Variants in CORO2B observed in about 807,000 individuals in gnomAD.
CORO2B encodes coronin 2B.
Under a neutral mutation model 58.8 loss-of-function variants are expected in CORO2B, and 26 were observed. The observed-to-expected ratio is 0.44, with a 90% CI of 0.32 to 0.61. The LOEUF (loss-of-function observed/expected upper bound fraction) is 0.61, where lower values mean the gene tolerates loss of function less well. Among genes scored for constraint, CORO2B ranks in the 20% least tolerant of loss-of-function variants. The pLI, the probability that CORO2B is intolerant of heterozygous loss-of-function variation, is 0.04. For synonymous variants in CORO2B, 242 were observed against 253.8 expected (o/e 0.95, Z 0.44); for missense variants, 460 against 645.1 (o/e 0.71, Z 3.11).
rs533832175 is a variant in CORO2B, at chr15:68,713,743, G to A, written c.649-182G>A. ...TCCAGGATCCACCTGGATAATCCAG[G>A]GTAATCTCATCTCCAAATCCTTAGC... On this transcript the variant is annotated intron_variant, in intron 5 of 11. Coordinates refer to ENST00000261861, the MANE Select transcript of CORO2B (RefSeq NM_006091.5). Among the ~76,000 whole-genome samples the A allele has an allele frequency of 6.6e-5, 10 of 152,270 alleles. No homozygotes were observed. The East Asian group carries it at 1.7e-3, about 26-fold the overall frequency.
chr15:68,720,028 C>T (rs1467920520), intron 11 of CORO2B, among the ~76,000 whole-genome samples: 1 of 152,170 alleles, frequency 6.6e-6, no homozygotes, highest in Non-Finnish European at 1.5e-5. Context: ...TGGGGCAGCT[C>T]GGCTGGGCCT....
At chr15:68,577,786 A>C (rs369885206), upstream of CORO2B, among the ~76,000 whole-genome samples, 2 of 150,732 alleles carry the variant, frequency 1.3e-5, no homozygotes, top group Non-Finnish European at 2.9e-5. Context: ...GAGGCTGGTT[A>C]CTCTATTATT....
At chr15:68,643,682 G>A (rs1416205568) in intron 1 of CORO2B, among the ~76,000 whole-genome samples, 1 of 152,180 alleles carries the variant, frequency 6.6e-6, no homozygotes, top group Non-Finnish European at 1.5e-5. Flanking sequence ...TCTCCTTCTG[G>A]ATTCTGAACT....
chr15:68,725,926 G>A lies in CORO2B; in HGVS notation c.1395G>A (p.Gln465=), dbSNP rs1490714717. Residue 465 remains glutamine (Q), a synonymous_variant, in exon 12 of 12, where the codon CAG becomes CAA. Coordinates refer to ENST00000261861, the MANE Select transcript of CORO2B (RefSeq NM_006091.5). ...ELAQKDIRIR[Q]LQLELKNLRN... is the part of the protein sequence containing the mutation. ...CCCAGAAGGACATCCGCATTCGGCA[G>A]CTCCAGCTGGAACTGAAAAACTTGC... The A allele has an allele frequency of 6.2e-7, 1 of 1,613,954 alleles. No individual in the cohort carries two copies. Among genetic ancestry groups the A allele is most frequent in the East Asian group, 2.2e-5 (1 of 44,896 alleles).
At chr15:68,595,567 G>A (rs1013082211) in intron 1 of CORO2B, among the ~76,000 whole-genome samples, 15 of 152,212 alleles carry the variant, frequency 9.9e-5, no homozygotes, top group African/African-American at 3.6e-4. Flanking sequence ...TCCCAGGGGT[G>A]GGTTCTGTTC....
the CORO2B span, among the ~76,000 whole-genome samples, chr15:68,550,933 A>G: frequency 6.6e-6 from 1 of 151,854 alleles, no homozygotes; most frequent in Non-Finnish European, 1.5e-5. Context: ...GCCTCCCCAC[A>G]CCTCCAGTCT....
intron 2 of CORO2B, among the ~76,000 whole-genome samples, chr15:68,686,538 A>G (rs1567008778): frequency 6.6e-6 from 1 of 152,214 alleles, no homozygotes; most frequent in Non-Finnish European, 1.5e-5. Flanking sequence ...CTGTTACCAG[A>G]GGACTATAAG....
chr15:68,576,169 A>AG (rs1555409372), upstream of CORO2B, among the ~76,000 whole-genome samples: 3 of 87,278 alleles, frequency 3.4e-5, no homozygotes, highest in South Asian at 3.0e-4. Flanking sequence ...AAAAAAAAAA[A>AG]AAAAAAAGAA....
chr15:68,574,654 G>A (rs777878637), upstream of CORO2B, among the ~76,000 whole-genome samples: 2 of 152,064 alleles, frequency 1.3e-5, no homozygotes, highest in African/African-American at 2.4e-5. Flanking sequence ...ATTGATCAGC[G>A]AGGCAGTTAT....
At chr15:68,690,260 A>G (rs906721153) in intron 2 of CORO2B, among the ~76,000 whole-genome samples, 3 of 152,186 alleles carry the variant, frequency 2.0e-5, no homozygotes, top group Non-Finnish European at 4.4e-5. Flanking sequence ...CTGGAGACCC[A>G]GTTGTTAAGC....
chr15:68,597,105 T>C (rs1417917001), intron 1 of CORO2B, among the ~76,000 whole-genome samples: 3 of 151,830 alleles, frequency 2.0e-5, no homozygotes, highest in Non-Finnish European at 4.4e-5. Flanking sequence ...TGCAGGGAAT[T>C]GGTGGCCTGC....
At chr15:68,686,489 G>A (rs1902983467) in intron 2 of CORO2B, among the ~76,000 whole-genome samples, 1 of 152,208 alleles carries the variant, frequency 6.6e-6, no homozygotes, top group African/African-American at 2.4e-5. Context: ...CCTTGGGCAA[G>A]TCGCCTCCCA....
intron 3 of CORO2B, among the ~76,000 whole-genome samples, chr15:68,703,233 C>G (rs901510461): frequency 1.3e-5 from 2 of 150,846 alleles, no homozygotes; most frequent in African/African-American, 2.5e-5. Flanking sequence ...TCACTGCAAC[C>G]TCCGACTCCC....
At chr15:68,676,778 AT>A (rs900386322) in intron 2 of CORO2B, among the ~76,000 whole-genome samples, 106 of 146,530 alleles carry the variant, frequency 7.2e-4, no homozygotes, top group Non-Finnish European at 8.6e-4. Flanking sequence ...CTTCTGGATT[AT>A]TTTTTTTTTT....
intron 2 of CORO2B, among the ~76,000 whole-genome samples, chr15:68,665,182 T>A (rs890742959): frequency 6.6e-6 from 1 of 152,124 alleles, no homozygotes; most frequent in Admixed American, 6.6e-5. Context: ...ATAGATTAAC[T>A]TTTTTTCCCC....
intron 2 of CORO2B, among the ~76,000 whole-genome samples, chr15:68,693,960 C>T (rs1356132552): frequency 7.2e-5 from 11 of 152,132 alleles, no homozygotes; most frequent in African/African-American, 1.9e-4. Flanking sequence ...CTCAGCCTCC[C>T]GAGTAGCTGG....
At chr15:68,571,276 A>C in the CORO2B span, among the ~76,000 whole-genome samples, 21 of 152,242 alleles carry the variant, frequency 1.4e-4, no homozygotes, top group African/African-American at 5.1e-4. Context: ...AGATGCAACC[A>C]GCATTAAATA....
Position 68,579,293 on chromosome 15 carries a change from C to T in CORO2B, c.15+16C>T. 7.8e-6 allele frequency: 10 copies of T among 1,288,244 alleles called. No individual in the cohort carries two copies. Among genetic ancestry groups the T allele is most frequent in the Non-Finnish European group, 9.9e-6 (10 of 1,013,538 alleles). 79.8% of individuals were successfully genotyped at this position (1,288,244 alleles called of 1,614,324 possible). On this transcript the variant is annotated intron_variant, in intron 1 of 11. Transcript: ENST00000261861. ...TGTCACAAAGGTAAGCGCCGCTCGC[C>T]CGCCGCGCCCGGGACCCGCCGGCGC...
chr15:68,684,238 C>A lies in CORO2B; in HGVS notation c.217-10902C>A, dbSNP rs1043975191. 8.5e-5 allele frequency among the ~76,000 whole-genome samples: 13 copies of A among 152,156 alleles called. No individual in the cohort carries two copies. In the East Asian group the frequency reaches 2.5e-3, roughly 29 times the overall value. On this transcript the variant is annotated intron_variant, in intron 2 of 11. Coordinates refer to ENST00000261861, the MANE Select transcript of CORO2B (RefSeq NM_006091.5). ...AACCCCAGGAGATTACACTTTTGGG[C>A]CAAGCAGCTTTCTCTAAAAGGCTCC...
Sources: allele counts gnomAD v4.1 joint callset (sites outside exome capture counted in the v4.1 genomes callset), GRCh38; gene constraint gnomAD v4.1.1; transcripts MANE v1.5; gene names NCBI Gene and HGNC (gene_info 2026-07-23, HGNC 2026-07-21).